The following TSPAN18 variants were observed in gnomAD, a reference collection of about 807,000 sequenced individuals.
TSPAN18 encodes the protein tetraspanin 18.
TSPAN18 carries 14 observed loss-of-function variants against 27.3 expected under a neutral mutation model. The ratio of observed to expected loss-of-function variants is 0.51; its 90% CI spans 0.34 to 0.80. The LOEUF is 0.80. TSPAN18 is among the 30% of genes least tolerant of loss of function. The pLI is 0.01. For missense variants in TSPAN18, 268 were observed against 323.9 expected, an observed-to-expected ratio of 0.83 and a Z score of 1.32; for synonymous variants, 143 against 136.5, an observed-to-expected ratio of 1.05 and a Z score of -0.33.
At chr11:44,816,418 G>A (rs371964017) in intron 2 of TSPAN18, among the ~76,000 whole-genome samples, 41 of 152,196 alleles carry the variant, frequency 2.7e-4, no homozygotes, top group African/African-American at 8.4e-4. Context: ...CATCAGAATC[G>A]AGTGCTATGT....
At chr11:44,744,327 C>T (rs73448567) in intron 1 of TSPAN18, among the ~76,000 whole-genome samples, 5,898 of 152,300 alleles carry the variant, frequency 0.039, 283 homozygotes, top group African/African-American at 0.1. Context: ...CTTGTCTCAG[C>T]CTGGGCTCTG....
chr11:44,786,640 T>C (rs1376085354), intron 2 of TSPAN18, among the ~76,000 whole-genome samples: 1 of 149,982 alleles, frequency 6.7e-6, no homozygotes, highest in East Asian at 1.9e-4. Context: ...TTTTTTTTTT[T>C]TTTTTTTTAA....
At chr11:44,776,531 C>T (rs1369003243) in intron 2 of TSPAN18, among the ~76,000 whole-genome samples, 2 of 152,194 alleles carry the variant, frequency 1.3e-5, no homozygotes, top group Non-Finnish European at 2.9e-5. Flanking sequence ...GAAAATAGCA[C>T]CTCTCCTGAA....
At chr11:44,869,210 C>T (rs835743) in intron 3 of TSPAN18, among the ~76,000 whole-genome samples, 22,235 of 152,238 alleles carry the variant, frequency 0.15, 1,847 homozygotes, top group South Asian at 0.23. Flanking sequence ...GAGAGGTGCT[C>T]ATTCAGCTTC....
chr11:44,812,614 T>C (rs1449571485), intron 2 of TSPAN18, among the ~76,000 whole-genome samples: 1 of 152,096 alleles, frequency 6.6e-6, no homozygotes, highest in Admixed American at 6.5e-5. Context: ...TCCTAGAGAA[T>C]GAATAGTGGA....
chr11:44,827,583 C>A (rs1857070632), intron 2 of TSPAN18, among the ~76,000 whole-genome samples: 1 of 152,180 alleles, frequency 6.6e-6, no homozygotes, highest in African/African-American at 2.4e-5. Flanking sequence ...ACCCTGGGGT[C>A]ATCAGGGACC....
chr11:44,789,834 G>C (rs1489644979), intron 2 of TSPAN18, among the ~76,000 whole-genome samples: 1 of 152,140 alleles, frequency 6.6e-6, no homozygotes, highest in Non-Finnish European at 1.5e-5. Context: ...ATCTCCAGGG[G>C]CCCTTGGAAA....
At chr11:44,908,757 AGAGAG>A (rs1564992139) in intron 4 of TSPAN18, among the ~76,000 whole-genome samples, 26 of 70,368 alleles carry the variant, frequency 3.7e-4, no homozygotes, top group African/African-American at 1.0e-3. Flanking sequence ...AGAGAGAGAG[AGAGAG>A]AGAAAGGAGA....
intron 2 of TSPAN18, among the ~76,000 whole-genome samples, chr11:44,842,600 G>A (rs1232884768): frequency 2.0e-5 from 3 of 152,158 alleles, no homozygotes; most frequent in Non-Finnish European, 4.4e-5. Context: ...GCCAGGGGCA[G>A]TGAAAGGGAA....
At chr11:44,821,832 C>G (rs1197474598) in intron 2 of TSPAN18, among the ~76,000 whole-genome samples, 1 of 152,200 alleles carries the variant, frequency 6.6e-6, no homozygotes, top group African/African-American at 2.4e-5. Flanking sequence ...CACGAGGAAT[C>G]AGGTCTGTGG....
intron 2 of TSPAN18, among the ~76,000 whole-genome samples, chr11:44,768,833 T>C (rs112528764): frequency 6.6e-6 from 1 of 152,270 alleles, no homozygotes; most frequent in South Asian, 2.1e-4. Flanking sequence ...CTGCATTTAT[T>C]GATATGATCC....
chr11:44,928,989 C>T, intron 9 of TSPAN18, 142 bp from the exon 10 acceptor site: 1 of 1,075,410 alleles, frequency 9.3e-7, no homozygotes, highest in South Asian at 1.4e-5. Flanking sequence ...AAGGGCTGGC[C>T]CCAGGGGAAT....
At chr11:44,926,530 C>T (rs1441055721) in intron 8 of TSPAN18, 144 bp from the exon 9 acceptor site, 13 of 745,298 alleles carry the variant, frequency 1.7e-5, no homozygotes, top group South Asian at 3.2e-5. Flanking sequence ...CCCTGCACCC[C>T]CTCCCCACTG....
upstream of TSPAN18, chr11:44,726,874 G>A (rs1322483362): frequency 7.2e-6 from 1 of 139,520 alleles, no homozygotes; most frequent in African/African-American, 2.5e-5. Flanking sequence ...GAGCCGGGAG[G>A]GGCGGAGGTT....
chr11:44,903,702 G>A (rs941550700), intron 3 of TSPAN18: 2 of 455,432 alleles, frequency 4.4e-6, no homozygotes, highest in Middle Eastern at 3.3e-4. Context: ...ACCTCCAAAG[G>A]CAGATGGCAT....
intron 2 of TSPAN18, among the ~76,000 whole-genome samples, chr11:44,841,115 G>A (rs1041823500): frequency 2.0e-5 from 3 of 152,172 alleles, no homozygotes; most frequent in Non-Finnish European, 1.5e-5. Context: ...TGTCTACTGC[G>A]TATGTGCCGG....
chr11:44,819,341 A>G (rs1856879464), intron 2 of TSPAN18, among the ~76,000 whole-genome samples: 1 of 152,122 alleles, frequency 6.6e-6, no homozygotes, highest in African/African-American at 2.4e-5. Flanking sequence ...TGAGGAATAG[A>G]TATTGGGGAC....
intron 7 of TSPAN18, 38 bp downstream of exon 7, chr11:44,919,350 C>T: frequency 6.4e-7 from 1 of 1,550,576 alleles, no homozygotes; most frequent in East Asian, 2.2e-5. Context: ...ACATTCAGAG[C>T]CACGATGCCC....
At chr11:44,845,484 C>T (rs1183942257) in intron 2 of TSPAN18, among the ~76,000 whole-genome samples, 1 of 152,168 alleles carries the variant, frequency 6.6e-6, no homozygotes, top group African/African-American at 2.4e-5. Flanking sequence ...CACTCCCTGC[C>T]CTCACGGAGC....
Sources: allele counts gnomAD v4.1 joint callset (sites outside exome capture counted in the v4.1 genomes callset), GRCh38; gene constraint gnomAD v4.1.1; transcripts MANE v1.5; gene names NCBI Gene and HGNC (gene_info 2026-07-23, HGNC 2026-07-21).